The following PIAS1 variants were observed in gnomAD, a reference collection of about 807,000 sequenced individuals.
The protein encoded by PIAS1 is E3 SUMO-protein ligase PIAS1.
Under a neutral mutation model 71.3 loss-of-function variants are expected in PIAS1, and 6 were observed. That is an observed-to-expected ratio of 0.08 (90% CI 0.05 to 0.17). The LOEUF is 0.17. Among genes scored for constraint, PIAS1 ranks in the 10% least tolerant of loss-of-function variants. The probability of loss-of-function intolerance (pLI) is 1.00; values close to 1 mark genes in which losing one functional copy is unlikely to be tolerated. For synonymous variants in PIAS1, 303 were observed against 292.9 expected, an observed-to-expected ratio of 1.03 and a Z score of -0.35; for missense variants, 555 against 793.6, an observed-to-expected ratio of 0.70 and a Z score of 3.61.
At chr15:68,152,539 A>G (rs1004928463) in intron 6 of PIAS1, among the ~76,000 whole-genome samples, 8 of 152,208 alleles carry the variant, frequency 5.3e-5, no homozygotes, top group Non-Finnish European at 1.2e-4. Flanking sequence ...AGCAGATTGC[A>G]TAATCTTTTT....
At position 68,111,626 on chromosome 15, in the gene PIAS1, CAG is replaced by C. The variant is rs1041911182; in HGVS notation, c.469+24879_469+24880del. 7.2e-4 allele frequency among the ~76,000 whole-genome samples: 109 copies of C among 152,058 alleles called. 1 individual carries two copies. Among genetic ancestry groups the C allele is most frequent in the African/African-American group, 2.5e-3 (103 of 41,512 alleles). On this transcript the variant is annotated intron_variant, in intron 2 of 13. Transcript: ENST00000249636. Reference sequence around the variant, plus strand: ...TAAATGCTTAAAAATGAAATAGTATCAGAGGAAAGTACAGGTTGCGTTGAAAT... The same window carrying C: ...TAAATGCTTAAAAATGAAATAGTATCAGGAAAGTACAGGTTGCGTTGAAAT...
At chr15:68,057,070 G>A (rs2091904071) in intron 1 of PIAS1, among the ~76,000 whole-genome samples, 1 of 152,020 alleles carries the variant, frequency 6.6e-6, no homozygotes, top group South Asian at 2.1e-4. Flanking sequence ...TTTCCTCATG[G>A]CTTTTTTAGT....
chr15:68,060,832 C>T (rs1033544785), intron 1 of PIAS1, among the ~76,000 whole-genome samples: 83 of 152,134 alleles, frequency 5.5e-4, no homozygotes, highest in African/African-American at 1.9e-3. Flanking sequence ...TACAGGCATG[C>T]GCCACTGCGC....
chr15:68,175,133 C>T (rs1202346043), intron 9 of PIAS1, among the ~76,000 whole-genome samples: 2 of 152,112 alleles, frequency 1.3e-5, no homozygotes, highest in Non-Finnish European at 2.9e-5. Context: ...TTTCATTTAA[C>T]ATTATAACCT....
intron 2 of PIAS1, among the ~76,000 whole-genome samples, chr15:68,089,435 A>C (rs891239567): frequency 6.6e-6 from 1 of 152,048 alleles, no homozygotes; most frequent in Admixed American, 6.5e-5. Flanking sequence ...GCTTATTTCA[A>C]ATGCTTTTTT....
intron 2 of PIAS1, among the ~76,000 whole-genome samples, chr15:68,099,463 T>C (rs2092405037): frequency 6.6e-6 from 1 of 152,038 alleles, no homozygotes; most frequent in Admixed American, 6.5e-5. Flanking sequence ...TATTGCTAAG[T>C]AATGATTCAT....
At chr15:68,061,238 A>C (rs12905500) in intron 1 of PIAS1, among the ~76,000 whole-genome samples, 61,486 of 152,128 alleles carry the variant, frequency 0.4, 14,519 homozygotes, top group East Asian at 0.8. Flanking sequence ...TAGGCAGTAG[A>C]GACAATTTTA....
intron 2 of PIAS1, among the ~76,000 whole-genome samples, chr15:68,105,008 A>G (rs1339957147): frequency 2.0e-5 from 3 of 152,192 alleles, no homozygotes; most frequent in African/African-American, 7.2e-5. Flanking sequence ...CTAAGAAGCA[A>G]TCATTCAACT....
chr15:68,142,420 C>A, intron 4 of PIAS1, 83 bp downstream of exon 4: 1 of 1,061,722 alleles, frequency 9.4e-7, no homozygotes, highest in Non-Finnish European at 1.5e-6. Context: ...AGGTACAGTG[C>A]TGACTGTAGG....
At chr15:68,057,475 T>C (rs1323162674) in intron 1 of PIAS1, 1 of 441,012 alleles carries the variant, frequency 2.3e-6, no homozygotes, top group Admixed American at 2.6e-5. Context: ...CATTTTAATT[T>C]ACAGGAAGAA....
intron 2 of PIAS1, among the ~76,000 whole-genome samples, chr15:68,089,591 G>A (rs1258589403): frequency 2.0e-5 from 3 of 152,084 alleles, no homozygotes; most frequent in Non-Finnish European, 4.4e-5. Flanking sequence ...GCCCCATTCT[G>A]TAGCCCAGGC....
intron 1 of PIAS1, among the ~76,000 whole-genome samples, chr15:68,083,190 A>C (rs2092245384): frequency 6.6e-6 from 1 of 152,138 alleles, no homozygotes; most frequent in Non-Finnish European, 1.5e-5. Flanking sequence ...ATGCAGATTA[A>C]AATATATTTC....
At chr15:68,138,986 T>G (rs1480796844) in intron 2 of PIAS1, among the ~76,000 whole-genome samples, 1 of 152,180 alleles carries the variant, frequency 6.6e-6, no homozygotes, top group Non-Finnish European at 1.5e-5. Flanking sequence ...TGGGTGGAAG[T>G]TACGGCCTCA....
At chr15:68,070,964 G>A (rs931100325) in intron 1 of PIAS1, among the ~76,000 whole-genome samples, 10 of 152,030 alleles carry the variant, frequency 6.6e-5, no homozygotes, top group Admixed American at 2.6e-4. Context: ...TTAAAATTAC[G>A]TGTGTGTCTC....
Position 68,054,385 on chromosome 15 carries a change from G to A in PIAS1, c.24+35G>A. On this transcript the variant is annotated intron_variant, in intron 1 of 13. Coordinates refer to ENST00000249636, the MANE Select transcript of PIAS1 (RefSeq NM_016166.3). This position sits in a 1 kb window ranked among gnomAD's most constrained non-coding sequence, Gnocchi z 4.6. ...AGCTCGAATTCACTTCTAATATTCG[G>A]CCGCGGAGACGGCGCCGCTGCTGCC... The A allele has an allele frequency of 1.3e-6, 2 of 1,556,920 alleles. No individual in the cohort carries two copies. Among genetic ancestry groups the A allele is most frequent in the South Asian group, 2.4e-5 (2 of 84,472 alleles).
At chr15:68,134,631 A>C (rs1210167771) in intron 2 of PIAS1, among the ~76,000 whole-genome samples, 23 of 7,492 alleles carry the variant, frequency 3.1e-3, no homozygotes, top group Non-Finnish European at 3.9e-3. Context: ...AACCCCCCCC[A>C]CCTCCCTCCC....
chr15:68,101,115 G>T (rs907681609), intron 2 of PIAS1, among the ~76,000 whole-genome samples: 1 of 152,002 alleles, frequency 6.6e-6, no homozygotes, highest in African/African-American at 2.4e-5. Flanking sequence ...GGCCAGGCTG[G>T]TCTCAAACTC....
chr15:68,146,691 A>C lies in PIAS1; in HGVS notation c.819A>C (p.Glu273Asp). ...PNTIVVSWTA[E>D]IGRNYSMAVY... ...CGATTGTTGTTTCTTGGACTGCAGA[A>C]ATTGGAAGAGTAAGTAAATTTTTGT... The change falls in exon 6 of 14, where the codon GAA becomes GAC. Residue 273 changes from glutamate to aspartate, a missense_variant. By Grantham distance (45) the Glu-to-Asp change is conservative. This residue lies in a region of PIAS1 where 134 missense variants were observed against 203.4 expected (regional missense o/e 0.66). Transcript: ENST00000249636. 2.5e-6 allele frequency: 4 copies of C among 1,606,360 alleles called. No individual in the cohort carries two copies. The highest frequency in any genetic ancestry group is 3.4e-6 in the Non-Finnish European group (4 of 1,175,244).
chr15:68,140,108 A>G (rs28437681), intron 2 of PIAS1, among the ~76,000 whole-genome samples: 1,709 of 152,292 alleles, frequency 0.011, 30 homozygotes, highest in African/African-American at 0.039. Context: ...ATAAATGGAG[A>G]TGGAAGTGTA....
Sources: gnomAD v4.1 joint callset for allele counts (sites outside exome capture counted in the v4.1 genomes callset) on GRCh38, gnomAD v4.1.1 for gene constraint, gnomAD v4.1.1 regional missense constraint, Gnocchi (gnomAD v3.1) non-coding constraint, MANE v1.5 for transcripts, NCBI Gene and HGNC (gene_info 2026-07-23, HGNC 2026-07-21) for gene names.